DNAJB1: variants seen among roughly 807,000 people sequenced by gnomAD.
DNAJB1 encodes the protein DnaJ heat shock protein family (Hsp40) member B1.
Under a neutral mutation model 24.0 loss-of-function variants are expected in DNAJB1, and 14 were observed. The observed-to-expected ratio is 0.58, with a 90% CI of 0.39 to 0.91. DNAJB1 has a LOEUF of 0.91. DNAJB1 is among the 40% of genes least tolerant of loss of function. DNAJB1 has a pLI of 0.00. For missense variants in DNAJB1, 517 were observed against 458.1 expected (o/e 1.13, Z -1.17); for synonymous variants, 262 against 174.4 (o/e 1.50, Z -3.96).
upstream of DNAJB1, among the ~76,000 whole-genome samples, chr19:14,551,995 G>T: frequency 1.0e-5 from 1 of 97,492 alleles, no homozygotes. Flanking sequence ...TTTTTTTTGA[G>T]ATGGAGTCTC....
chr19:14,556,239 C>T (rs1315614825), intron 1 of DNAJB1, among the ~76,000 whole-genome samples: 1 of 152,096 alleles, frequency 6.6e-6, no homozygotes, highest in African/African-American at 2.4e-5. Flanking sequence ...ACTTACTGTT[C>T]CCTCTGCCTG....
chr19:14,559,512 G>A (rs894759459), intron 1 of DNAJB1, among the ~76,000 whole-genome samples: 1 of 151,628 alleles, frequency 6.6e-6, no homozygotes, highest in East Asian at 1.9e-4. Flanking sequence ...TATAGGCCGG[G>A]CCAGGTGGCT....
chr19:14,535,756 CAAAAAAA>C (rs1161257175), intron 1 of DNAJB1, among the ~76,000 whole-genome samples: 1 of 51,944 alleles, frequency 1.9e-5, no homozygotes, highest in Non-Finnish European at 3.3e-5. Context: ...GACTCTGTCT[CAAAAAAA>C]AAAAAAAAAA....
rs150137137 is a variant in DNAJB1 at position 14,515,954 on chromosome 19, C to A, written c.1009G>T (p.Val337Phe). ...PQTSRTVLEQ[V>F]LPI Reference sequence around the variant, plus strand: ...AGCTCAGATAGCTATATTGGAAGAACCTGCTCAAGTACGGTTCTTGATGTC... The same window carrying A: ...AGCTCAGATAGCTATATTGGAAGAAACTGCTCAAGTACGGTTCTTGATGTC... The change falls in exon 3 of 3, where the codon GTT becomes TTT. Residue 337 changes from valine (V) to phenylalanine (F), a missense_variant. Transcript: ENST00000254322. The A allele has an allele frequency of 4.1e-4, 652 of 1,608,236 alleles. 3 individuals carry two copies. Among genetic ancestry groups the A allele is most frequent in the Middle Eastern group, 4.0e-3 (22 of 5,510 alleles).
At chr19:14,519,105 C>T (rs538688643), upstream of DNAJB1, among the ~76,000 whole-genome samples, 439 of 152,256 alleles carry the variant, frequency 2.9e-3, 2 homozygotes, top group African/African-American at 0.01. Context: ...CGGTGGCTCA[C>T]GCCTGTAATC....
At position 14,516,128 on chromosome 19, in the gene DNAJB1, T is replaced by C; in HGVS notation, c.835A>G (p.Arg279Gly). 1 of 1,613,638 alleles carries C rather than the reference T, an allele frequency of 6.2e-7. No individual in the cohort carries two copies. The highest frequency in any genetic ancestry group is 8.5e-7 in the Non-Finnish European group (1 of 1,179,910). The change falls in exon 3 of 3, where the codon AGG becomes GGG. Residue 279 changes from arginine to glycine, a missense_variant. Transcript: ENST00000254322. ...CTVNVPTLDGRTIPVVFKDVI... is the reference protein window; with the variant it reads ...CTVNVPTLDGGTIPVVFKDVI... ...TCTTTGAATACGACGGGTATCGTCC[T>C]GCCGTCCAGAGTGGGGACGTTCACT... is the stretch of plus-strand genomic sequence containing the variant.
chr19:14,546,412 C>A (rs1376759005), intron 1 of DNAJB1, among the ~76,000 whole-genome samples: 1 of 152,036 alleles, frequency 6.6e-6, no homozygotes, highest in African/African-American at 2.4e-5. Flanking sequence ...CATGCTGAAA[C>A]CCCTCTTCTA....
chr19:14,556,421 AAAAC>A (rs1299449921), intron 1 of DNAJB1, among the ~76,000 whole-genome samples: 1 of 151,730 alleles, frequency 6.6e-6, no homozygotes, highest in African/African-American at 2.4e-5. Flanking sequence ...AAAAAAAACA[AAAAC>A]AAAAAAAACC....
chr19:14,535,489 A>G (rs2072830827), intron 1 of DNAJB1, among the ~76,000 whole-genome samples: 1 of 112,302 alleles, frequency 8.9e-6, no homozygotes, highest in African/African-American at 3.5e-5. Flanking sequence ...CCTGGGCGAC[A>G]GAGCGAGACT....
chr19:14,528,613 C>CA (rs2072493083), intron 1 of DNAJB1, among the ~76,000 whole-genome samples: 1 of 152,118 alleles, frequency 6.6e-6, no homozygotes, highest in East Asian at 1.9e-4. Context: ...AGGCAGAGAC[C>CA]AATGTAGTTC....
chr19:14,557,971 G>A (rs949115584), intron 1 of DNAJB1, among the ~76,000 whole-genome samples: 1 of 150,210 alleles, frequency 6.7e-6, no homozygotes, highest in Non-Finnish European at 1.5e-5. Context: ...TAGCCAGGAT[G>A]GTCTCGATCT....
chr19:14,543,177 G>A (rs1324497800), intron 1 of DNAJB1, among the ~76,000 whole-genome samples: 1 of 150,078 alleles, frequency 6.7e-6, no homozygotes, highest in Non-Finnish European at 1.5e-5. Context: ...CTCCTTGTGG[G>A]GAGAAGCTGT....
At chr19:14,518,041 G>C (rs1599381597) in intron 1 of DNAJB1, 98 bp downstream of exon 1, 3 of 1,281,706 alleles carry the variant, frequency 2.3e-6, no homozygotes, top group East Asian at 3.1e-5. Context: ...CCCACGGCCC[G>C]GGGCGTCCTT....
In DNAJB1 at chr19:14,518,338, G is replaced by A. The variant is rs3962158; in HGVS notation, c.12C>T (p.Asp4=). The A allele has an allele frequency of 0.32, 512,702 of 1,584,304 alleles. 85,744 individuals are homozygous for A. The highest frequency in any genetic ancestry group is 0.43 in the South Asian group (37,799 of 88,396). The change falls in exon 1 of 3, where the codon GAC becomes GAT. Residue 4 remains aspartate, a synonymous_variant. Transcript: ENST00000254322. ...GGGCCAGGCCCAACGTCTGGTAGTA[G>A]TCTTTACCCATGACCCCCTCCTGCG... is the stretch of plus-strand genomic sequence containing the variant. MGK[D]YYQTLGLARG... is the part of the protein sequence containing the mutation.
upstream of DNAJB1, among the ~76,000 whole-genome samples, chr19:14,554,742 C>T (rs1158605398): frequency 6.6e-6 from 1 of 152,116 alleles, no homozygotes; most frequent in Non-Finnish European, 1.5e-5. Flanking sequence ...CCACTCTTCA[C>T]CTCCACATCT....
chr19:14,542,356 T>G (rs1201894895), intron 1 of DNAJB1, among the ~76,000 whole-genome samples: 5 of 121,924 alleles, frequency 4.1e-5, no homozygotes, highest in African/African-American at 9.8e-5. Flanking sequence ...TGTTTTTTTT[T>G]TTTTTTTTTT....
At chr19:14,549,671 G>A (rs112590007) in intron 1 of DNAJB1, among the ~76,000 whole-genome samples, 2 of 151,768 alleles carry the variant, frequency 1.3e-5, no homozygotes, top group Non-Finnish European at 2.9e-5. Flanking sequence ...TAGGCCAGGC[G>A]CAGTGGCTCA....
At chr19:14,542,099 A>T (rs1242460295) in intron 1 of DNAJB1, among the ~76,000 whole-genome samples, 1 of 151,890 alleles carries the variant, frequency 6.6e-6, no homozygotes, top group African/African-American at 2.4e-5. Context: ...ATGGCAATGA[A>T]AGTCCCTTTT....
At chr19:14,536,042 T>C (rs1243221585) in intron 1 of DNAJB1, among the ~76,000 whole-genome samples, 1 of 152,088 alleles carries the variant, frequency 6.6e-6, no homozygotes, top group Non-Finnish European at 1.5e-5. Flanking sequence ...ATAATTTTTC[T>C]GGTTTAACTT....
Sources: allele counts gnomAD v4.1 joint callset (sites outside exome capture counted in the v4.1 genomes callset), GRCh38; gene constraint gnomAD v4.1.1; transcripts MANE v1.5; gene names NCBI Gene and HGNC (gene_info 2026-07-23, HGNC 2026-07-21).